The following CFAP100 variants were observed in gnomAD, a reference collection of about 807,000 sequenced individuals.
CFAP100 encodes the protein cilia- and flagella-associated protein 100.
Under a neutral mutation model 81.5 loss-of-function variants are expected in CFAP100, and 70 were observed. The ratio of observed to expected loss-of-function variants is 0.86; its 90% CI spans 0.71 to 1.05. CFAP100 has a LOEUF of 1.05. Among genes scored for constraint, CFAP100 ranks in the 50% least tolerant of loss-of-function variants. The probability of loss-of-function intolerance (pLI) is 0.00; values close to 1 mark genes in which losing one functional copy is unlikely to be tolerated. For missense variants in CFAP100, 811 were observed against 776.5 expected, an observed-to-expected ratio of 1.04 and a Z score of -0.53; for synonymous variants, 341 against 314.8, an observed-to-expected ratio of 1.08 and a Z score of -0.88.
chr3:126,416,193 C>A, intron 4 of CFAP100, 123 bp from the exon 5 acceptor site: 1 of 659,006 alleles, frequency 1.5e-6, no homozygotes. Flanking sequence ...CCCGGGACAG[C>A]AGTGTTCAGG....
At chr3:126,402,962 T>C (rs1265013616) in intron 2 of CFAP100, among the ~76,000 whole-genome samples, 2 of 151,848 alleles carry the variant, frequency 1.3e-5, no homozygotes, top group Non-Finnish European at 2.9e-5. Context: ...TGGGATCTGG[T>C]GACTAGGTGT....
At chr3:126,430,454 T>TA (rs1218868081) in intron 13 of CFAP100, among the ~76,000 whole-genome samples, 5 of 152,156 alleles carry the variant, frequency 3.3e-5, no homozygotes. Context: ...ATGAATATAT[T>TA]ACCACAGGTA....
chr3:126,417,857 A>G (rs368772212), intron 5 of CFAP100, among the ~76,000 whole-genome samples: 3 of 152,362 alleles, frequency 2.0e-5, no homozygotes. Flanking sequence ...CAGCTCCCAA[A>G]TCAGAGACAG....
Position 126,401,429 on chromosome 3 carries a change from A to T in CFAP100, c.49+5380A>T, listed in dbSNP as rs976981156. Among the ~76,000 whole-genome samples the T allele has an allele frequency of 7.1e-3, 774 of 109,756 alleles. 62 individuals are homozygous for T. The East Asian group carries it at 0.11, about 15-fold the overall frequency. 72.0% of individuals were successfully genotyped at this position (109,756 alleles called of 152,430 possible). A position where few individuals can be genotyped will look rare whatever the true frequency, so the allele number is the denominator to read the frequency against. ...TATATATATATATATATATATATAT[A>T]TATATATATATATAGTATTATGTTA... On this transcript the variant is annotated intron_variant, in intron 2 of 16. Coordinates refer to ENST00000352312, the MANE Select transcript of CFAP100 (RefSeq NM_182628.3).
rs111705111 is a variant in CFAP100 at position 126,420,142 on chromosome 3, C to T, written c.995C>T (p.Thr332Met). ...GTKKPWRFLQTMRLGRSPSYL... is the reference protein window; with the variant it reads ...GTKKPWRFLQMMRLGRSPSYL... ...AAGAAGCCCTGGAGGTTTCTGCAGA[C>T]GATGCGGCTGGGGCGGAGCCCGTCT... Residue 332 changes from threonine to methionine, a missense_variant, in exon 11 of 17, where the codon ACG becomes ATG. Transcript: ENST00000352312. The T allele has an allele frequency of 3.3e-5, 54 of 1,613,292 alleles. 1 individual carries two copies. The African/African-American group carries it at 3.6e-4, about 11-fold the overall frequency.
Position 126,420,178 on chromosome 3 carries a change from G to A in CFAP100, c.1031G>A (p.Ser344Asn). The A allele has an allele frequency of 6.2e-7, 1 of 1,612,806 alleles. No individual in the cohort carries two copies. Among genetic ancestry groups the A allele is most frequent in the Admixed American group, 1.7e-5 (1 of 60,026 alleles). ...GGGCGGAGCCCGTCTTACCTGAGCA[G>A]CCCCCAGCAAGGCAGCCAGCCCAGC... ...RLGRSPSYLS[S>N]PQQGSQPSES... The change falls in exon 11 of 17, where the codon AGC becomes AAC. Residue 344 changes from serine (S) to asparagine (N), a missense_variant. Coordinates refer to ENST00000352312, the MANE Select transcript of CFAP100 (RefSeq NM_182628.3).
At chr3:126,399,131 A>G (rs1198366290) in intron 2 of CFAP100, among the ~76,000 whole-genome samples, 1 of 151,938 alleles carries the variant, frequency 6.6e-6, no homozygotes, top group Admixed American at 6.6e-5. Flanking sequence ...GCGGTGCCCC[A>G]CCTGCCCTAC....
chr3:126,420,113 T>C lies in CFAP100; in HGVS notation c.966T>C (p.Gly322=), dbSNP rs2083305051. 6.2e-7 allele frequency: 1 copy of C among 1,613,124 alleles called. No individual in the cohort carries two copies. The highest frequency in any genetic ancestry group is 1.3e-5 in the African/African-American group (1 of 74,928). The part of the protein sequence containing the change: ...ASSMWAKEGQ[G]TKKPWRFLQT... ...CTCTGCTTTCTCCAGAGGGTCAGGGTACAAAGAAGCCCTGGAGGTTTCTGC... is the reference window on the plus strand; with the variant it reads ...CTCTGCTTTCTCCAGAGGGTCAGGGCACAAAGAAGCCCTGGAGGTTTCTGC... The change falls in exon 11 of 17, where the codon GGT becomes GGC. Residue 322 remains glycine, a synonymous_variant. Coordinates refer to ENST00000352312, the MANE Select transcript of CFAP100 (RefSeq NM_182628.3).
At chr3:126,406,665 T>G (rs938126427) in intron 2 of CFAP100, among the ~76,000 whole-genome samples, 1 of 152,124 alleles carries the variant, frequency 6.6e-6, no homozygotes, top group African/African-American at 2.4e-5. Context: ...TGGCTCTAGC[T>G]TCCAGGCAGC....
At chr3:126,406,901 AAC>A (rs1333619583) in intron 2 of CFAP100, among the ~76,000 whole-genome samples, 1 of 152,218 alleles carries the variant, frequency 6.6e-6, no homozygotes, top group Non-Finnish European at 1.5e-5. Flanking sequence ...ACTCTTAAGG[AAC>A]ACACTGAAGG....
rs143714655 is a variant in CFAP100 at position 126,424,290 on chromosome 3, G to GCCAT, written c.1286+648_1286+651dup. ...CTGAGACGGGCAGGGATGGGTGAGG[G>GCCAT]CCATCTGGCCACCCAGGACTGGGGC... On this transcript the variant is annotated intron_variant, in intron 13 of 16. Coordinates refer to ENST00000352312, the MANE Select transcript of CFAP100 (RefSeq NM_182628.3). Among the ~76,000 whole-genome samples the GCCAT allele has an allele frequency of 3.2e-3, 492 of 152,370 alleles. 3 individuals carry two copies. Among genetic ancestry groups the GCCAT allele is most frequent in the African/African-American group, 0.011 (477 of 41,594 alleles).
intron 3 of CFAP100, among the ~76,000 whole-genome samples, chr3:126,409,404 A>G (rs915505870): frequency 2.6e-5 from 4 of 152,224 alleles, no homozygotes; most frequent in African/African-American, 9.6e-5. Flanking sequence ...AGTTTTTACA[A>G]ATAATACTGC....
intron 11 of CFAP100, among the ~76,000 whole-genome samples, chr3:126,421,959 C>G (rs973161632): frequency 1.3e-5 from 2 of 152,270 alleles, no homozygotes; most frequent in Non-Finnish European, 2.9e-5. Context: ...AGGGCTCCCT[C>G]AGCCATGGAC....
chr3:126,397,842 G>T (rs1184414474), intron 2 of CFAP100, among the ~76,000 whole-genome samples: 2 of 152,244 alleles, frequency 1.3e-5, no homozygotes, highest in Non-Finnish European at 2.9e-5. Flanking sequence ...GAGGTTTGGG[G>T]ATGCTGAGCC....
At chr3:126,429,070 C>A (rs1449659988) in intron 13 of CFAP100, among the ~76,000 whole-genome samples, 1 of 137,242 alleles carries the variant, frequency 7.3e-6, no homozygotes, top group Non-Finnish European at 1.5e-5. Flanking sequence ...GATTGTGCCA[C>A]AGCACTCCAG....
At chr3:126,433,574 A>G in intron 14 of CFAP100, 1 of 227,404 alleles carries the variant, frequency 4.4e-6, no homozygotes, top group Middle Eastern at 1.6e-3. Flanking sequence ...GAGCAGCAGA[A>G]GCCAGGACCC....
intron 11 of CFAP100, among the ~76,000 whole-genome samples, chr3:126,422,496 C>G (rs1007704611): frequency 2.2e-4 from 34 of 151,302 alleles, no homozygotes; most frequent in South Asian, 6.3e-4. Context: ...CAGCCCCCCC[C>G]ACCTCAGTCA....
chr3:126,407,485 C>T (rs1433704939), intron 3 of CFAP100, among the ~76,000 whole-genome samples: 1 of 152,218 alleles, frequency 6.6e-6, no homozygotes, highest in African/African-American at 2.4e-5. Context: ...TGAGGCTCCA[C>T]TAACAGCAGT....
At chr3:126,402,127 G>A (rs115128237) in intron 2 of CFAP100, among the ~76,000 whole-genome samples, 102 of 152,326 alleles carry the variant, frequency 6.7e-4, no homozygotes, top group African/African-American at 2.4e-3. Context: ...CTGAGAAAGC[G>A]CCCACAGCTG....
Sources: gnomAD v4.1 joint callset for allele counts (sites outside exome capture counted in the v4.1 genomes callset) on GRCh38, gnomAD v4.1.1 for gene constraint, MANE v1.5 for transcripts, NCBI Gene and HGNC (gene_info 2026-07-23, HGNC 2026-07-21) for gene names.